Variants in RELN observed in about 807,000 individuals in gnomAD.
The protein encoded by RELN is reelin.
In RELN, 108 loss-of-function variants were observed where a neutral mutation model predicts 427.6. That is an observed-to-expected ratio of 0.25 (90% CI 0.22 to 0.30). The LOEUF (loss-of-function observed/expected upper bound fraction) is 0.30. RELN is among the 10% of genes least tolerant of loss of function. The probability of loss-of-function intolerance (pLI) is 1.00; values close to 1 mark genes in which losing one functional copy is unlikely to be tolerated. For missense variants in RELN, 3,715 were observed against 4,302.8 expected (o/e 0.86, Z 3.82); for synonymous variants, 1,524 against 1,513.4 (o/e 1.01, Z -0.16).
At chr7:103,787,911 T>C (rs555248017) in intron 3 of RELN, among the ~76,000 whole-genome samples, 355 of 152,182 alleles carry the variant, frequency 2.3e-3, no homozygotes, top group Non-Finnish European at 3.6e-3. Context: ...ATATCCCTGA[T>C]GAACATCGAT....
chr7:103,561,711 TAAGA>T lies in RELN; in HGVS notation c.5352-6_5352-3del, dbSNP rs752234487. 2 of 1,613,714 alleles carry T rather than the reference TAAGA, an allele frequency of 1.2e-6. No homozygotes were observed. Among genetic ancestry groups the T allele is most frequent in the African/African-American group, 1.3e-5 (1 of 74,866 alleles). Reference sequence around the variant, plus strand: ...GGTCCACCAAAGCCCCGGTCACACCTAAGAAAGAGAGGGAGTGGAGAAAAGACAT... The same window carrying T: ...GGTCCACCAAAGCCCCGGTCACACCTAAGAGAGGGAGTGGAGAAAAGACAT... On this transcript the variant is annotated splice_region_variant and splice_polypyrimidine_tract_variant and intron_variant, in intron 35 of 64. Coordinates refer to ENST00000428762, the MANE Select transcript of RELN (RefSeq NM_005045.4).
intron 61 of RELN, among the ~76,000 whole-genome samples, 153 bp downstream of exon 61, chr7:103,486,043 AT>A (rs1214017810): frequency 8.7e-6 from 1 of 114,962 alleles, no homozygotes; most frequent in African/African-American, 2.9e-5. Context: ...GTTGTGAAAC[AT>A]ATATGCTTCC....
chr7:103,989,197 C>A lies in RELN; in HGVS notation c.160G>T (p.Glu54Ter). 1 of 1,614,124 alleles carries A rather than the reference C, an allele frequency of 6.2e-7. No homozygotes were observed. The highest frequency in any genetic ancestry group is 8.5e-7 in the Non-Finnish European group (1 of 1,180,004). The change falls in exon 1 of 65, where the codon GAG (glutamate) becomes TAG (stop). Residue 54 changes from glutamate (E) to a stop codon, truncating the protein, a stop_gained. Coordinates refer to ENST00000428762, the MANE Select transcript of RELN (RefSeq NM_005045.4). LOFTEE classifies it high-confidence loss of function. The surrounding 1 kb of genome is among the most constrained non-coding windows in gnomAD (Gnocchi z 4.9). Reference sequence around the variant, plus strand: ...GCAATATGCAGGGAAATGAGCACCTCGCCCTGCTCCCCATCCCCTTCCAGC... The same window carrying A: ...GCAATATGCAGGGAAATGAGCACCTAGCCCTGCTCCCCATCCCCTTCCAGC... The part of the protein sequence containing the change: ...GELEGDGEQG[E>*]VLISLHIAGN...
rs558320419 is a variant in RELN, at chr7:103,953,704, G to A, written c.226+35427C>T. ...TCCCAGCACTTTGGGAGGCTGAGGC[G>A]GGTGGATCACCTGAGGTCAGGAGTT... On this transcript the variant is annotated intron_variant, in intron 1 of 64. Coordinates refer to ENST00000428762, the MANE Select transcript of RELN (RefSeq NM_005045.4). This position sits in a 1 kb window ranked among gnomAD's most constrained non-coding sequence, Gnocchi z 4.3. Among the ~76,000 whole-genome samples, 5 of 152,194 alleles carry A rather than the reference G, an allele frequency of 3.3e-5. No homozygotes were observed. The highest frequency in any genetic ancestry group is 7.2e-5 in the African/African-American group (3 of 41,530).
chr7:103,719,799 G>T (rs73177995), intron 8 of RELN, among the ~76,000 whole-genome samples: 1 of 152,176 alleles, frequency 6.6e-6, no homozygotes, highest in Non-Finnish European at 1.5e-5. Flanking sequence ...CATAAGTTGC[G>T]TCTAATGAAT....
chr7:103,889,010 A>G (rs1304830349), intron 2 of RELN, among the ~76,000 whole-genome samples: 2 of 152,114 alleles, frequency 1.3e-5, no homozygotes, highest in Non-Finnish European at 2.9e-5. Context: ...CATGCAGAGG[A>G]CTCATGCACT....
At chr7:103,580,875 A>G (rs1188567358) in intron 28 of RELN, among the ~76,000 whole-genome samples, 1 of 152,176 alleles carries the variant, frequency 6.6e-6, no homozygotes, top group Non-Finnish European at 1.5e-5. Context: ...CGTTGTAGCA[A>G]TGATGTGCCA....
rs1830260428 is a variant in RELN, at chr7:103,545,180, C to A, written c.6467G>T (p.Gly2156Val). The A allele has an allele frequency of 8.7e-6, 14 of 1,613,982 alleles. No individual in the cohort carries two copies. The highest frequency in any genetic ancestry group is 1.1e-5 in the Non-Finnish European group (13 of 1,180,032). The change falls in exon 42 of 65, where the codon GGT becomes GTT. Residue 2156 changes from glycine to valine, a missense_variant. By Grantham distance (109) the Gly-to-Val change is moderately radical. This residue lies in a region of RELN where 1,310 missense variants were observed against 1,643.0 expected (regional missense o/e 0.80). Coordinates refer to ENST00000428762, the MANE Select transcript of RELN (RefSeq NM_005045.4). ...TKCICDPGYS[G>V]PTCKISTKNP... Reference sequence around the variant, plus strand: ...TTTGGTGCTTATTTTACAGGTTGGACCTGAGTAGCCAGGGTCACATATACA... The same window carrying A: ...TTTGGTGCTTATTTTACAGGTTGGAACTGAGTAGCCAGGGTCACATATACA...
In RELN at chr7:103,632,108, G is replaced by A. The variant is rs78630597; in HGVS notation, c.2466-1932C>T. Among the ~76,000 whole-genome samples, 1,460 of 152,314 alleles carry A rather than the reference G, an allele frequency of 9.6e-3. 18 individuals are homozygous for A. The highest frequency in any genetic ancestry group is 0.033 in the African/African-American group (1,380 of 41,564). On this transcript the variant is annotated intron_variant, in intron 19 of 64. Transcript: ENST00000428762. ...GTATATGAATGTGATATTGGTGACT[G>A]AAGTGACCAATATTTTCACGGCAGA...
chr7:103,478,310 C>G, intron 64 of RELN, 79 bp downstream of exon 64: 1 of 638,956 alleles, frequency 1.6e-6, no homozygotes, highest in Non-Finnish European at 2.8e-6. Context: ...AGGTGCTTTA[C>G]AAAACTTCTC....
chr7:103,705,102 T>G (rs1427014787), intron 8 of RELN, among the ~76,000 whole-genome samples: 1 of 152,204 alleles, frequency 6.6e-6, no homozygotes, highest in African/African-American at 2.4e-5. Flanking sequence ...ATATTTTTAT[T>G]AATTTCATTT....
intron 49 of RELN, among the ~76,000 whole-genome samples, chr7:103,517,621 G>A (rs765615069): frequency 6.6e-6 from 1 of 152,170 alleles, no homozygotes; most frequent in Non-Finnish European, 1.5e-5. Context: ...TCAAGACCAA[G>A]GAAACAGTTT....
Position 103,566,709 on chromosome 7 carries a change from G to C in RELN, c.4639C>G (p.Arg1547Gly). The change falls in exon 32 of 65, where the codon CGA (arginine) becomes GGA (glycine). Residue 1547 changes from arginine to glycine, a missense_variant. Coordinates refer to ENST00000428762, the MANE Select transcript of RELN (RefSeq NM_005045.4). ...AGGAAGGACATGAAGTCCAACTCTC[G>C]AAGCAAATGCCAGAGTATCCCATTG... ...NDNGILWHLL[R>G]ELDFMSFLEP... 1 of 1,614,084 alleles carries C rather than the reference G, an allele frequency of 6.2e-7. No homozygotes were observed. Among genetic ancestry groups the C allele is most frequent in the Non-Finnish European group, 8.5e-7 (1 of 1,179,962 alleles).
chr7:103,909,389 A>C (rs1412041131), intron 2 of RELN, among the ~76,000 whole-genome samples: 2 of 151,808 alleles, frequency 1.3e-5, no homozygotes, highest in Non-Finnish European at 2.9e-5. Context: ...GCAATGAAAC[A>C]TTACCATAAA....
At chr7:103,854,831 G>T (rs975649405) in intron 2 of RELN, among the ~76,000 whole-genome samples, 1 of 152,110 alleles carries the variant, frequency 6.6e-6, no homozygotes, top group Non-Finnish European at 1.5e-5. Flanking sequence ...TGAAGATTCC[G>T]GATTTCTGCC....
Position 103,497,889 on chromosome 7 carries a change from T to G in RELN, c.8881A>C (p.Asn2961His). The G allele has an allele frequency of 6.2e-7, 1 of 1,614,176 alleles. No individual in the cohort carries two copies. The highest frequency in any genetic ancestry group is 2.2e-5 in the East Asian group (1 of 44,882). Residue 2961 changes from asparagine (N) to histidine (H), a missense_variant, in exon 55 of 65, where the codon AAC (asparagine) becomes CAC (histidine). Physicochemically the swap from Asn to His is moderately conservative, Grantham distance 68 (BLOSUM62 1). Around this residue, in one of 4 missense-constraint regions of RELN, gnomAD observed 1,310 missense variants for 1,643.0 expected, o/e 0.80. Transcript: ENST00000428762. Reference protein sequence around the residue: ...QYWGRIGSENNMTSCHRPICR... With the variant: ...QYWGRIGSENHMTSCHRPICR... Reference sequence around the variant, plus strand: ...ATGGGACGATGGCAAGAGGTCATGTTGTTCTCACTACCGATGCGCCCCCAG... The same window carrying G: ...ATGGGACGATGGCAAGAGGTCATGTGGTTCTCACTACCGATGCGCCCCCAG...
At chr7:103,483,063 T>A in intron 62 of RELN, 92 bp from the exon 63 acceptor site, 1 of 964,238 alleles carries the variant, frequency 1.0e-6, no homozygotes, top group Non-Finnish European at 1.7e-6. Context: ...TATAATAGGC[T>A]AATCTAAATC....
At chr7:103,788,207 T>A (rs1456776581) in intron 3 of RELN, among the ~76,000 whole-genome samples, 2 of 152,124 alleles carry the variant, frequency 1.3e-5, no homozygotes, top group Admixed American at 1.3e-4. Context: ...TAAGAGCTAT[T>A]TATGACAAAC....
At chr7:103,727,998 T>A (rs10239666) in intron 7 of RELN, 113 bp downstream of exon 7, 3 of 949,764 alleles carry the variant, frequency 3.2e-6, no homozygotes, top group East Asian at 5.2e-5. Flanking sequence ...ATAGGACTCA[T>A]AAATCATATT....
Sources: allele counts gnomAD v4.1 joint callset (sites outside exome capture counted in the v4.1 genomes callset), GRCh38; gene constraint gnomAD v4.1.1; regional missense constraint gnomAD v4.1.1; non-coding constraint Gnocchi (gnomAD v3.1); transcripts MANE v1.5; gene names NCBI Gene and HGNC (gene_info 2026-07-23, HGNC 2026-07-21).